The following F11 variants were observed in gnomAD, a reference collection of about 807,000 sequenced individuals.
The protein encoded by F11 is coagulation factor XI.
F11 carries 78 observed loss-of-function variants against 76.5 expected under a neutral mutation model. The ratio of observed to expected loss-of-function variants is 1.02; its 90% CI spans 0.85 to 1.23. The LOEUF (loss-of-function observed/expected upper bound fraction) is 1.23. F11 is among the 50% of genes most tolerant of loss of function. The pLI is 0.00. For missense variants in F11, 742 were observed against 771.4 expected, an observed-to-expected ratio of 0.96 and a Z score of 0.45; for synonymous variants, 278 against 276.3, an observed-to-expected ratio of 1.01 and a Z score of -0.06.
chr4:186,278,892 A>G (rs965194218), intron 7 of F11, among the ~76,000 whole-genome samples: 1 of 152,196 alleles, frequency 6.6e-6, no homozygotes, highest in Non-Finnish European at 1.5e-5. Context: ...AAGCCTTGGG[A>G]CATTGGAAGT....
chr4:186,270,747 G>A (rs1180046997), intron 2 of F11, among the ~76,000 whole-genome samples: 5 of 152,052 alleles, frequency 3.3e-5, no homozygotes, highest in Non-Finnish European at 1.5e-5. Context: ...AGGCTGGATT[G>A]CAGTGGTAAA....
At chr4:186,286,677 C>G in intron 13 of F11, 167 bp downstream of exon 13, 1 of 985,366 alleles carries the variant, frequency 1.0e-6, no homozygotes, top group Non-Finnish European at 1.2e-6. Flanking sequence ...AGGCTGGTGC[C>G]TCATATGTTT....
At chr4:186,276,633 C>A (rs531769202) in intron 7 of F11, among the ~76,000 whole-genome samples, 1 of 132,774 alleles carries the variant, frequency 7.5e-6, no homozygotes, top group Non-Finnish European at 1.5e-5. Flanking sequence ...GCTGCCCAGG[C>A]TGGAGTGCGG....
chr4:186,288,005 C>G (rs914226985), intron 14 of F11, among the ~76,000 whole-genome samples, 182 bp downstream of exon 14: 1 of 151,574 alleles, frequency 6.6e-6, no homozygotes, highest in East Asian at 1.9e-4. Context: ...CCCAGGTTCA[C>G]GCCATTCTCC....
chr4:186,288,790 G>C lies in F11; in HGVS notation c.*176G>C. On this transcript the variant is annotated 3_prime_UTR_variant, in exon 15 of 15. Transcript: ENST00000403665. ...ACAAGTTGTTATGTCCAAAACTCCCGTTCTATGATCGTTGTAGTTTGTTTG... is the reference window on the plus strand; with the variant it reads ...ACAAGTTGTTATGTCCAAAACTCCCCTTCTATGATCGTTGTAGTTTGTTTG... 1.4e-6 allele frequency: 1 copy of C among 697,828 alleles called. No homozygotes were observed. The allele number at this position is 697,828 out of a possible 1,614,324, so 43.2% of individuals were successfully genotyped here.
intron 10 of F11, chr4:186,282,318 A>T: frequency 1.0e-6 from 1 of 985,446 alleles, no homozygotes. Context: ...AGATAAAGGA[A>T]AATAAAGTCT....
rs770391489 is a variant in F11, at chr4:186,275,784, C to T, written c.486-3C>T. 1 of 1,603,288 alleles carries T rather than the reference C, an allele frequency of 6.2e-7. No homozygotes were observed. Among genetic ancestry groups the T allele is most frequent in the African/African-American group, 1.3e-5 (1 of 74,666 alleles). On this transcript the variant is annotated splice_polypyrimidine_tract_variant and splice_region_variant and intron_variant, in intron 5 of 14. Coordinates refer to ENST00000403665, the MANE Select transcript of F11 (RefSeq NM_000128.4). ...GACACTTTTCCTTTTTCTTTTTATT[C>T]AGTAACATTTGTCTACTGAAGCACA...
At chr4:186,275,615 T>C (rs1440443503) in intron 5 of F11, among the ~76,000 whole-genome samples, 172 bp from the exon 6 acceptor site, 2 of 152,144 alleles carry the variant, frequency 1.3e-5, no homozygotes, top group Admixed American at 6.5e-5. Flanking sequence ...ACTTACACAA[T>C]TCACAGGTGC....
At position 186,286,381 on chromosome 4, in the gene F11, G is replaced by T. The variant is rs2289253; in HGVS notation, c.1481-34G>T. 81,601 of 1,539,260 alleles carry T rather than the reference G, an allele frequency of 0.053. 2,689 individuals carry two copies. Among genetic ancestry groups the T allele is most frequent in the African/African-American group, 0.12 (8,875 of 73,498 alleles). ...TTCTGGAAAAGAGGATATATTTTGC[G>T]TCTCATATTTAAACCACGATTTTTT... On this transcript the variant is annotated intron_variant, in intron 12 of 14. Transcript: ENST00000403665.
chr4:186,279,335 T>C (rs1405502010), intron 7 of F11, among the ~76,000 whole-genome samples: 2 of 151,530 alleles, frequency 1.3e-5, no homozygotes, highest in East Asian at 3.9e-4. Flanking sequence ...TGAGCCAAGA[T>C]CGCGACACTG....
At chr4:186,286,079 G>C in intron 12 of F11, 1 of 550,356 alleles carries the variant, frequency 1.8e-6, no homozygotes, top group Non-Finnish European at 3.2e-6. Flanking sequence ...TAATACTTTG[G>C]AATAGTAAAG....
At chr4:186,270,608 A>T (rs1467851191) in intron 2 of F11, among the ~76,000 whole-genome samples, 1 of 151,864 alleles carries the variant, frequency 6.6e-6, no homozygotes, top group Non-Finnish European at 1.5e-5. Flanking sequence ...TAAATAATCC[A>T]ATTAGGAGGG....
At position 186,285,695 on chromosome 4, in the gene F11, A is replaced by G; in HGVS notation, c.1362A>G (p.Ile454Met). 6.2e-7 allele frequency: 1 copy of G among 1,614,090 alleles called. No individual in the cohort carries two copies. Among genetic ancestry groups the G allele is most frequent in the Non-Finnish European group, 8.5e-7 (1 of 1,179,960 alleles). Residue 454 changes from isoleucine to methionine, a missense_variant, in exon 12 of 15, where the codon ATA (isoleucine) becomes ATG (methionine). Ile to Met is a conservative substitution (Grantham distance 10, BLOSUM62 1). Coordinates refer to ENST00000403665, the MANE Select transcript of F11 (RefSeq NM_000128.4). ...GTGGCATTTTAAATCAATCTGAAATAAAAGAGGACACATCTTTCTTTGGGG... is the reference window on the plus strand; with the variant it reads ...GTGGCATTTTAAATCAATCTGAAATGAAAGAGGACACATCTTTCTTTGGGG... ...VYSGILNQSE[I>M]KEDTSFFGVQ...
intron 11 of F11, among the ~76,000 whole-genome samples, chr4:186,284,988 A>G (rs1741076269): frequency 6.6e-6 from 1 of 152,120 alleles, no homozygotes; most frequent in Admixed American, 6.6e-5. Context: ...TTCGGTATGC[A>G]TCCTCACATT....
At chr4:186,285,444 G>T (rs1020424219) in intron 11 of F11, among the ~76,000 whole-genome samples, 194 bp from the exon 12 acceptor site, 7 of 151,960 alleles carry the variant, frequency 4.6e-5, no homozygotes, top group Admixed American at 3.9e-4. Flanking sequence ...CATTTTTTGT[G>T]TATAATGGAT....
At position 186,273,122 on chromosome 4, in the gene F11, T is replaced by C. The variant is rs374703864; in HGVS notation, c.270T>C (p.Asn90=). ...DSVTETLPRV[N]RTAAISGYSF... ...TTACAGAAACACTGCCAAGAGTGAA[T>C]AGGACAGCAGCGATTTCTGGGTATT... Residue 90 remains asparagine (N), a synonymous_variant, in exon 4 of 15, where the codon AAT becomes AAC. Coordinates refer to ENST00000403665, the MANE Select transcript of F11 (RefSeq NM_000128.4). 22 of 1,613,964 alleles carry C rather than the reference T, an allele frequency of 1.4e-5. No homozygotes were observed. In the African/African-American group the frequency reaches 2.1e-4, roughly 16 times the overall value.
At chr4:186,285,593 T>C in intron 11 of F11, 45 bp from the exon 12 acceptor site, 1 of 1,588,954 alleles carries the variant, frequency 6.3e-7, no homozygotes, top group Non-Finnish European at 8.6e-7. Flanking sequence ...CTGGGAATTA[T>C]TTTTAGTAAA....
rs116667976 is a variant in F11 at position 186,284,272 on chromosome 4, G to A, written c.1304+12G>A. ...CACTGTTTCTATGGGTCAGTACCAC[G>A]GCTGTTTTTATTAGTTCATCTTCTT... On this transcript the variant is annotated intron_variant, in intron 11 of 14. Coordinates refer to ENST00000403665, the MANE Select transcript of F11 (RefSeq NM_000128.4). 6,811 of 1,605,214 alleles carry A rather than the reference G, an allele frequency of 4.2e-3. 17 individuals carry two copies. The highest frequency in any genetic ancestry group is 5.2e-3 in the South Asian group (469 of 90,592).
chr4:186,282,203 C>T (rs1740859156), intron 10 of F11: 3 of 1,060,068 alleles, frequency 2.8e-6, no homozygotes, highest in Non-Finnish European at 1.2e-6. Flanking sequence ...TGCATTTTCC[C>T]CCTTCCTTCT....
Sources: allele counts gnomAD v4.1 joint callset (sites outside exome capture counted in the v4.1 genomes callset), GRCh38; gene constraint gnomAD v4.1.1; transcripts MANE v1.5; gene names NCBI Gene and HGNC (gene_info 2026-07-23, HGNC 2026-07-21).